Variants in TMEM272 observed in about 807,000 individuals in gnomAD.
The protein encoded by TMEM272 is transmembrane protein 272.
A neutral mutation model predicts 3.7 loss-of-function variants in TMEM272; 8 were observed. That is an observed-to-expected ratio of 2.17 (90% CI 1.27 to 3.91). The LOEUF is 3.91. TMEM272 is among the 30% of genes most tolerant of loss of function. TMEM272 has a pLI of 0.00. For missense variants in TMEM272, 166 were observed against 91.5 expected (o/e 1.81, Z -3.32); for synonymous variants, 63 against 39.8 (o/e 1.58, Z -2.20).
the TMEM272 span, among the ~76,000 whole-genome samples, chr13:51,902,439 A>G: frequency 6.6e-6 from 1 of 152,254 alleles, no homozygotes; most frequent in Non-Finnish European, 1.5e-5. Flanking sequence ...AATGTCTAAA[A>G]TGAACTGCTG....
At chr13:51,903,763 G>C in the TMEM272 span, among the ~76,000 whole-genome samples, 1 of 152,160 alleles carries the variant, frequency 6.6e-6, no homozygotes, top group Non-Finnish European at 1.5e-5. Context: ...GGCTGCCCCA[G>C]AATGCCCAAA....
At chr13:51,831,189 A>G (rs937750845) in intron 2 of TMEM272, among the ~76,000 whole-genome samples, 1 of 152,176 alleles carries the variant, frequency 6.6e-6, no homozygotes, top group Non-Finnish European at 1.5e-5. Flanking sequence ...TGGAAGGCTG[A>G]AGCAGGTGGA....
chr13:51,908,408 T>G, the TMEM272 span: 2 of 1,487,156 alleles, frequency 1.3e-6, no homozygotes, highest in African/African-American at 2.8e-5. Flanking sequence ...GTGGTGGACC[T>G]GGGACATCCC....
chr13:51,839,151 G>A (rs946115281), intron 1 of TMEM272, among the ~76,000 whole-genome samples: 4 of 152,084 alleles, frequency 2.6e-5, no homozygotes, highest in Non-Finnish European at 4.4e-5. Context: ...GTGGAGACCC[G>A]AGCGGCCTGG....
At chr13:51,833,525 T>C (rs1232646113) in intron 2 of TMEM272, among the ~76,000 whole-genome samples, 2 of 151,946 alleles carry the variant, frequency 1.3e-5, no homozygotes, top group Admixed American at 6.6e-5. Flanking sequence ...GAGCACCCAT[T>C]AGGTGTGGGA....
At chr13:51,830,970 T>C (rs61957366) in intron 2 of TMEM272, among the ~76,000 whole-genome samples, 19 of 151,948 alleles carry the variant, frequency 1.3e-4, no homozygotes, top group Admixed American at 9.9e-4. Flanking sequence ...TGAGGCTCAC[T>C]CTTGCTTAAA....
At chr13:51,874,476 G>C in the TMEM272 span, among the ~76,000 whole-genome samples, 1 of 152,102 alleles carries the variant, frequency 6.6e-6, no homozygotes, top group East Asian at 1.9e-4. Context: ...ATGAATGAAG[G>C]AAAGAATATT....
chr13:51,838,813 T>C lies in TMEM272; in HGVS notation c.-23-260A>G, dbSNP rs188374551. Among the ~76,000 whole-genome samples the C allele has an allele frequency of 3.9e-5, 6 of 152,266 alleles. No homozygotes were observed. In the East Asian group the frequency reaches 1.2e-3, roughly 29 times the overall value. ...GATACCAGCCAGGAAGACACAGGCCTGGAGGGGGAGATGGTAACAGCTCTC... is the reference window on the plus strand; with the variant it reads ...GATACCAGCCAGGAAGACACAGGCCCGGAGGGGGAGATGGTAACAGCTCTC... On this transcript the variant is annotated intron_variant, in intron 1 of 4. Transcript: ENST00000629372.
At chr13:51,921,787 C>T in the TMEM272 span, among the ~76,000 whole-genome samples, 1 of 152,326 alleles carries the variant, frequency 6.6e-6, no homozygotes, top group South Asian at 2.1e-4. Context: ...ACATGTGCCC[C>T]CTGCTCTCCC....
upstream of TMEM272, among the ~76,000 whole-genome samples, chr13:51,848,909 TC>T (rs1021494721): frequency 8.5e-5 from 13 of 152,184 alleles, no homozygotes; most frequent in Admixed American, 2.6e-4. Context: ...TTTCATGCTT[TC>T]TTTGGAAGTT....
the TMEM272 span, among the ~76,000 whole-genome samples, chr13:51,896,325 G>C: frequency 6.6e-6 from 1 of 150,774 alleles, no homozygotes; most frequent in Non-Finnish European, 1.5e-5. Flanking sequence ...GGGTGTGTGT[G>C]TGTATGAGAG....
At chr13:51,907,846 T>G in the TMEM272 span, among the ~76,000 whole-genome samples, 1 of 152,240 alleles carries the variant, frequency 6.6e-6, no homozygotes, top group South Asian at 2.1e-4. Context: ...TTTATTCAAT[T>G]AAGCATAAAT....
At chr13:51,869,408 C>T in the TMEM272 span, among the ~76,000 whole-genome samples, 1 of 152,244 alleles carries the variant, frequency 6.6e-6, no homozygotes, top group South Asian at 2.1e-4. Flanking sequence ...CTAGCTCCAC[C>T]CTTGTCCCTA....
chr13:51,927,926 G>A, the TMEM272 span, among the ~76,000 whole-genome samples: 1 of 152,154 alleles, frequency 6.6e-6, no homozygotes. Context: ...CACCGATTCA[G>A]AAGCCCAGAA....
the TMEM272 span, among the ~76,000 whole-genome samples, chr13:51,889,914 T>G: frequency 6.6e-6 from 1 of 152,210 alleles, no homozygotes; most frequent in Admixed American, 6.5e-5. Flanking sequence ...GTGCTGGGAT[T>G]ACAGGTGTGA....
chr13:51,917,097 A>G, the TMEM272 span, among the ~76,000 whole-genome samples: 1 of 152,238 alleles, frequency 6.6e-6, no homozygotes, highest in Non-Finnish European at 1.5e-5. Flanking sequence ...AAGACCATGA[A>G]TATGACTTAT....
At chr13:51,834,005 A>C (rs1956194580) in intron 2 of TMEM272, among the ~76,000 whole-genome samples, 1 of 152,132 alleles carries the variant, frequency 6.6e-6, no homozygotes, top group Admixed American at 6.5e-5. Context: ...TCCAAAAGGA[A>C]TTGCTACTAG....
chr13:51,890,238 G>C, the TMEM272 span, among the ~76,000 whole-genome samples: 2 of 152,136 alleles, frequency 1.3e-5, no homozygotes, highest in Non-Finnish European at 2.9e-5. Flanking sequence ...GTTGAAATTC[G>C]ATCTCCAATA....
chr13:51,838,957 G>A (rs946167540), intron 1 of TMEM272, among the ~76,000 whole-genome samples: 7 of 152,124 alleles, frequency 4.6e-5, no homozygotes, highest in African/African-American at 1.2e-4. Flanking sequence ...TACAGATGGC[G>A]CCTTAGAGAC....
Sources: gnomAD v4.1 joint callset for allele counts (sites outside exome capture counted in the v4.1 genomes callset) on GRCh38, gnomAD v4.1.1 for gene constraint, MANE v1.5 for transcripts, NCBI Gene and HGNC (gene_info 2026-07-23, HGNC 2026-07-21) for gene names.